The following SLC8A1 variants were observed in gnomAD, a reference collection of about 807,000 sequenced individuals.
SLC8A1 encodes the protein sodium/calcium exchanger 1.
SLC8A1 carries 18 observed loss-of-function variants against 68.3 expected under a neutral mutation model. The ratio of observed to expected loss-of-function variants is 0.26; its 90% CI spans 0.18 to 0.39. The LOEUF (loss-of-function observed/expected upper bound fraction) is 0.39, where lower values mean the gene tolerates loss of function less well. Ranked by LOEUF, SLC8A1 falls within the 10% of genes least tolerant of loss-of-function variation. The pLI is 1.00. For missense variants in SLC8A1, 985 were observed against 1,156.7 expected (o/e 0.85, Z 2.15); for synonymous variants, 475 against 415.5 (o/e 1.14, Z -1.74).
intron 2 of SLC8A1, among the ~76,000 whole-genome samples, chr2:40,242,779 T>C (rs1009648643): frequency 6.6e-5 from 10 of 152,220 alleles, no homozygotes; most frequent in Admixed American, 3.9e-4. Context: ...CCATGCCTTG[T>C]GTTTCAAGAC....
chr2:40,462,633 A>G (rs1479133264), intron 1 of SLC8A1, among the ~76,000 whole-genome samples: 1 of 151,526 alleles, frequency 6.6e-6, no homozygotes, highest in Non-Finnish European at 1.5e-5. Flanking sequence ...CCTAGTGAGA[A>G]CTCATCTCAA....
intron 4 of SLC8A1, among the ~76,000 whole-genome samples, 188 bp downstream of exon 7, chr2:40,170,093 G>T (rs952029366): frequency 1.3e-5 from 2 of 152,194 alleles, no homozygotes; most frequent in Admixed American, 1.3e-4. Flanking sequence ...CCTACTCAGT[G>T]CTCCTTTTCT....
intron 2 of SLC8A1, among the ~76,000 whole-genome samples, chr2:40,362,252 G>T (rs528566258): frequency 2.0e-4 from 30 of 151,584 alleles, no homozygotes; most frequent in African/African-American, 6.5e-4. Context: ...AAGCCATTCT[G>T]TCTAATAGGT....
intron 2 of SLC8A1, among the ~76,000 whole-genome samples, chr2:40,363,038 C>T (rs1420090647): frequency 6.6e-6 from 1 of 152,028 alleles, no homozygotes; most frequent in Non-Finnish European, 1.5e-5. Flanking sequence ...TAATCATTTC[C>T]CCACCACCCC....
intron 2 of SLC8A1, among the ~76,000 whole-genome samples, chr2:40,322,074 G>A (rs2075269210): frequency 6.6e-6 from 1 of 151,996 alleles, no homozygotes; most frequent in Non-Finnish European, 1.5e-5. Flanking sequence ...CATATTTTTA[G>A]CAGTAAGTCA....
intron 1 of SLC8A1, among the ~76,000 whole-genome samples, chr2:40,434,165 G>A (rs4952414): frequency 0.68 from 102,735 of 152,068 alleles, 36,576 homozygotes; most frequent in East Asian, 0.93. Flanking sequence ...AGGTAGACAG[G>A]TCAGTAAAAA....
chr2:40,173,641 C>T (rs1020758427), intron 4 of SLC8A1, among the ~76,000 whole-genome samples: 1 of 147,100 alleles, frequency 6.8e-6, no homozygotes, highest in African/African-American at 2.5e-5. Flanking sequence ...CATCCCAATT[C>T]CCAACATAGT....
At chr2:40,380,574 C>T (rs954162339) in intron 2 of SLC8A1, among the ~76,000 whole-genome samples, 20 of 151,984 alleles carry the variant, frequency 1.3e-4, no homozygotes, top group Admixed American at 7.2e-4. Flanking sequence ...ACTAATTATT[C>T]GGCACAAGTG....
rs181935954 is a variant in SLC8A1 at position 40,244,423 on chromosome 2, C to T, written c.1809-66568G>A. ...CTATGAAGGCCAGGCTGGGAGTTGT[C>T]CGATGACTTTTCCTGTATAATGTCA... On this transcript the variant is annotated intron_variant, in intron 2 of 7. Coordinates refer to ENST00000406785, the Ensembl canonical transcript of SLC8A1. 2.8e-3 allele frequency among the ~76,000 whole-genome samples: 431 copies of T among 152,162 alleles called. 2 individuals are homozygous for T. Among genetic ancestry groups the T allele is most frequent in the African/African-American group, 9.4e-3 (392 of 41,496 alleles).
intron 2 of SLC8A1, among the ~76,000 whole-genome samples, chr2:40,349,112 G>T (rs1346126149): frequency 6.6e-6 from 1 of 152,048 alleles, no homozygotes; most frequent in Admixed American, 6.6e-5. Flanking sequence ...GGGCTAACAG[G>T]GAAAGAATCC....
Position 40,268,241 on chromosome 2 carries a change from G to C in SLC8A1, c.1809-90386C>G, listed in dbSNP as rs544424981. 2.0e-5 allele frequency among the ~76,000 whole-genome samples: 3 copies of C among 152,074 alleles called. No homozygotes were observed. In the East Asian group the frequency reaches 5.8e-4, roughly 29 times the overall value. ...TGTAGTACCATTAAAAACTTAGAAT[G>C]CTTGATAATGGCAGGGACCAGGTGA... On this transcript the variant is annotated intron_variant, in intron 2 of 7. Coordinates refer to ENST00000406785, the Ensembl canonical transcript of SLC8A1.
At chr2:40,198,401 T>C (rs540972688) in intron 2 of SLC8A1, among the ~76,000 whole-genome samples, 3 of 152,066 alleles carry the variant, frequency 2.0e-5, no homozygotes, top group Admixed American at 2.0e-4. Flanking sequence ...ATTATCACCA[T>C]TATATATTTA....
intron 1 of SLC8A1, among the ~76,000 whole-genome samples, chr2:40,451,574 C>A (rs567918915): frequency 3.3e-5 from 5 of 152,250 alleles, no homozygotes; most frequent in East Asian, 1.9e-4. Flanking sequence ...CAGAGCCCAG[C>A]GCGGTGCAGG....
intron 1 of SLC8A1, among the ~76,000 whole-genome samples, chr2:40,501,266 T>C (rs1706044620): frequency 6.6e-6 from 1 of 152,078 alleles, no homozygotes; most frequent in Non-Finnish European, 1.5e-5. Context: ...TTCTGTATTG[T>C]TTGAGTTATA....
intron 2 of SLC8A1, among the ~76,000 whole-genome samples, chr2:40,388,927 G>C (rs1009374033): frequency 2.0e-5 from 3 of 152,152 alleles, no homozygotes; most frequent in Non-Finnish European, 4.4e-5. Flanking sequence ...AATATTTAGT[G>C]AATCTAGGGA....
Position 40,177,941 on chromosome 2 carries a change from G to C in SLC8A1, c.1809-86C>G. ...TGTCCACCAAGCTGAATGTTACTGT[G>C]ATGTTATGGAGGGAGAACTGGCAGC... On this transcript the variant is annotated intron_variant, in intron 2 of 7. Transcript: ENST00000406785. The C allele has an allele frequency of 3.4e-6, 3 of 874,610 alleles. No individual in the cohort carries two copies. The South Asian group carries it at 4.4e-5, about 13-fold the overall frequency. 54.2% of individuals were successfully genotyped at this position (874,610 alleles called of 1,614,324 possible). A position where few individuals can be genotyped will look rare whatever the true frequency, so the allele number is the denominator to read the frequency against.
chr2:40,369,699 A>T (rs1677400475), intron 2 of SLC8A1, among the ~76,000 whole-genome samples: 1 of 152,124 alleles, frequency 6.6e-6, no homozygotes, highest in Non-Finnish European at 1.5e-5. Context: ...CATTCTGGCA[A>T]GTAAACTGGA....
In SLC8A1 at chr2:40,247,887, C is replaced by T. The variant is rs865954572; in HGVS notation, c.1809-70032G>A. On this transcript the variant is annotated intron_variant, in intron 2 of 7. Coordinates refer to ENST00000406785, the Ensembl canonical transcript of SLC8A1. ...GACTCCACGTTCAATGCTATGTTCACTATTACCTGAAATAGACTTGGAGGC... is the reference window on the plus strand; with the variant it reads ...GACTCCACGTTCAATGCTATGTTCATTATTACCTGAAATAGACTTGGAGGC... Among the ~76,000 whole-genome samples the T allele has an allele frequency of 2.0e-5, 3 of 152,158 alleles. No homozygotes were observed. The South Asian group carries it at 6.2e-4, about 32-fold the overall frequency.
exon 2 of SLC8A1, chr2:40,429,357 C>G (rs757398859): frequency 6.2e-7 from 1 of 1,613,790 alleles, no homozygotes; most frequent in African/African-American, 1.3e-5. Context: ...CCTCCAGAAC[C>G]AGAGCACCAT....
Sources: allele counts gnomAD v4.1 joint callset (sites outside exome capture counted in the v4.1 genomes callset), GRCh38; gene constraint gnomAD v4.1.1; transcripts MANE v1.5; gene names NCBI Gene and HGNC (gene_info 2026-07-23, HGNC 2026-07-21).